Variants in TCF7L1 observed in about 807,000 individuals in gnomAD.
TCF7L1 encodes the protein transcription factor 7 like 1.
In TCF7L1, 18 loss-of-function variants were observed where a neutral mutation model predicts 63.7. That is an observed-to-expected ratio of 0.28 (90% CI 0.20 to 0.42). The LOEUF (loss-of-function observed/expected upper bound fraction) is 0.42. Ranked by LOEUF, TCF7L1 falls within the 10% of genes least tolerant of loss-of-function variation. The pLI is 1.00. For missense variants in TCF7L1, 654 were observed against 779.3 expected, an observed-to-expected ratio of 0.84 and a Z score of 1.91; for synonymous variants, 355 against 340.9, an observed-to-expected ratio of 1.04 and a Z score of -0.46.
intron 8 of TCF7L1, among the ~76,000 whole-genome samples, chr2:85,305,845 C>A (rs1224653975): frequency 6.6e-6 from 1 of 152,094 alleles, no homozygotes; most frequent in Non-Finnish European, 1.5e-5. Context: ...CCCTGGAGAT[C>A]CCAAGAGAAC....
chr2:85,304,439 G>A lies in TCF7L1; in HGVS notation c.845+101G>A, dbSNP rs1020026333. The A allele has an allele frequency of 1.2e-5, 15 of 1,202,102 alleles. No homozygotes were observed. In the African/African-American group the frequency reaches 2.1e-4, roughly 17 times the overall value. The allele number at this position is 1,202,102 out of a possible 1,614,324, so 74.5% of individuals were successfully genotyped here. ...CTTGCCAGTTAATGAGCAGGCACAGGGCTCACCCTCCCCCCACCTCTCTTT... is the reference window on the plus strand; with the variant it reads ...CTTGCCAGTTAATGAGCAGGCACAGAGCTCACCCTCCCCCCACCTCTCTTT... On this transcript the variant is annotated intron_variant, in intron 7 of 11. Coordinates refer to ENST00000282111, the MANE Select transcript of TCF7L1 (RefSeq NM_031283.3).
At chr2:85,188,166 G>A (rs1478588419) in intron 3 of TCF7L1, among the ~76,000 whole-genome samples, 2 of 152,202 alleles carry the variant, frequency 1.3e-5, no homozygotes, top group African/African-American at 2.4e-5. Context: ...AAAAGGGGTA[G>A]CATGAGAGAA....
At chr2:85,304,385 C>G (rs757268708) in intron 7 of TCF7L1, 47 bp downstream of exon 7, 1 of 1,588,226 alleles carries the variant, frequency 6.3e-7, no homozygotes, top group East Asian at 2.2e-5. Context: ...TTAGCAACCA[C>G]GCCATTTCTG....
intron 3 of TCF7L1, among the ~76,000 whole-genome samples, chr2:85,202,109 C>T (rs1018787580): frequency 1.3e-5 from 2 of 152,018 alleles, no homozygotes; most frequent in Admixed American, 6.6e-5. Flanking sequence ...ACTACAGGCA[C>T]ATGTCACCAT....
intron 3 of TCF7L1, among the ~76,000 whole-genome samples, chr2:85,232,071 A>G (rs6758971): frequency 0.045 from 6,921 of 152,182 alleles, 532 homozygotes; most frequent in African/African-American, 0.16. Flanking sequence ...CCAGATCTTC[A>G]TCATGTTTCC....
chr2:85,146,497 C>CTTTTTTTTTT (rs554058692), intron 3 of TCF7L1, among the ~76,000 whole-genome samples: 8 of 103,602 alleles, frequency 7.7e-5, no homozygotes, highest in Non-Finnish European at 9.4e-5. Context: ...TTCTTTCTTT[C>CTTTTTTTTTT]TTTTTTTTTT....
chr2:85,308,385 T>C (rs116396507), intron 11 of TCF7L1, among the ~76,000 whole-genome samples: 1,309 of 70,186 alleles, frequency 0.019, 30 homozygotes, highest in Middle Eastern at 0.043. Flanking sequence ...CCCTTTCACC[T>C]TCCCTCCCAT....
At chr2:85,211,640 A>G (rs1441628569) in intron 3 of TCF7L1, among the ~76,000 whole-genome samples, 1 of 152,206 alleles carries the variant, frequency 6.6e-6, no homozygotes, top group Non-Finnish European at 1.5e-5. Context: ...AGACATAGAA[A>G]TCATAATTCC....
rs373215902 is a variant in TCF7L1 at position 85,265,178 on chromosome 2, G to A, written c.442-18317G>A. Reference sequence around the variant, plus strand: ...GAGACAGGACCATAGATCCAGGAAGGTCATCTTTGAAAGAGAAGCCCAAAC... The same window carrying A: ...GAGACAGGACCATAGATCCAGGAAGATCATCTTTGAAAGAGAAGCCCAAAC... On this transcript the variant is annotated intron_variant, in intron 3 of 11. Coordinates refer to ENST00000282111, the MANE Select transcript of TCF7L1 (RefSeq NM_031283.3). Among the ~76,000 whole-genome samples the A allele has an allele frequency of 1.8e-4, 28 of 152,236 alleles. No homozygotes were observed. In the South Asian group the frequency reaches 5.4e-3, roughly 29 times the overall value.
At chr2:85,227,409 G>C (rs1261393148) in intron 3 of TCF7L1, among the ~76,000 whole-genome samples, 1 of 151,264 alleles carries the variant, frequency 6.6e-6, no homozygotes, top group Admixed American at 6.6e-5. Context: ...ACTTGGTGGG[G>C]AAAAGGGACT....
At position 85,309,020 on chromosome 2, in the gene TCF7L1, T is replaced by G; in HGVS notation, c.1334-9T>G. 1.3e-6 allele frequency: 2 copies of G among 1,576,338 alleles called. No individual in the cohort carries two copies. Among genetic ancestry groups the G allele is most frequent in the Non-Finnish European group, 1.7e-6 (2 of 1,160,452 alleles). ...TAGCTGCTCACTCTTTCTTGTATTTTCCCCCTAGGTGCCCTGGCCTCCAAG... is the reference window on the plus strand; with the variant it reads ...TAGCTGCTCACTCTTTCTTGTATTTGCCCCCTAGGTGCCCTGGCCTCCAAG... On this transcript the variant is annotated splice_polypyrimidine_tract_variant and intron_variant, in intron 11 of 11. Transcript: ENST00000282111.
intron 3 of TCF7L1, among the ~76,000 whole-genome samples, chr2:85,168,214 C>T (rs1678465931): frequency 6.6e-6 from 1 of 151,972 alleles, no homozygotes; most frequent in African/African-American, 2.4e-5. Flanking sequence ...CACACACACA[C>T]ACACACACAA....
At chr2:85,211,961 G>T (rs544656141) in intron 3 of TCF7L1, among the ~76,000 whole-genome samples, 1 of 151,922 alleles carries the variant, frequency 6.6e-6, no homozygotes, top group Non-Finnish European at 1.5e-5. Context: ...GTGGTGGCAC[G>T]CGCCTGTAAT....
intron 3 of TCF7L1, among the ~76,000 whole-genome samples, chr2:85,137,307 A>G (rs1337351301): frequency 6.6e-6 from 1 of 152,142 alleles, no homozygotes; most frequent in Non-Finnish European, 1.5e-5. Flanking sequence ...CAGTCTGGCC[A>G]TCTCTCCCCA....
chr2:85,217,604 C>G (rs72840159), intron 3 of TCF7L1, among the ~76,000 whole-genome samples: 7,532 of 152,220 alleles, frequency 0.049, 205 homozygotes, highest in Middle Eastern at 0.054. Flanking sequence ...TTTTCTTTTT[C>G]AGAGTTTACT....
chr2:85,258,027 C>T (rs1337083836), intron 3 of TCF7L1, among the ~76,000 whole-genome samples: 1 of 152,172 alleles, frequency 6.6e-6, no homozygotes, highest in African/African-American at 2.4e-5. Context: ...TCTTAGTTTC[C>T]TCATATGTGA....
intron 3 of TCF7L1, among the ~76,000 whole-genome samples, chr2:85,138,336 G>C (rs1677644207): frequency 6.6e-6 from 1 of 152,056 alleles, no homozygotes; most frequent in Non-Finnish European, 1.5e-5. Context: ...AGACCCAAAG[G>C]AACCCAAGCA....
intron 3 of TCF7L1, among the ~76,000 whole-genome samples, chr2:85,269,863 C>T (rs1468072692): frequency 1.3e-5 from 2 of 152,154 alleles, no homozygotes; most frequent in Non-Finnish European, 2.9e-5. Flanking sequence ...GGGTGCAGGA[C>T]CCCTTCTTCA....
At chr2:85,255,065 GC>G (rs1454071327) in intron 3 of TCF7L1, among the ~76,000 whole-genome samples, 4 of 152,134 alleles carry the variant, frequency 2.6e-5, no homozygotes, top group African/African-American at 9.7e-5. Flanking sequence ...CAGAGAGATC[GC>G]CCTTCTGATG....
Sources: gnomAD v4.1 joint callset for allele counts (sites outside exome capture counted in the v4.1 genomes callset) on GRCh38, gnomAD v4.1.1 for gene constraint, MANE v1.5 for transcripts, NCBI Gene and HGNC (gene_info 2026-07-23, HGNC 2026-07-21) for gene names.